The following DYRK1A variants were observed in gnomAD, a reference collection of about 807,000 sequenced individuals.
The protein encoded by DYRK1A is dual specificity tyrosine-phosphorylation-regulated kinase 1A.
Under a neutral mutation model 79.7 loss-of-function variants are expected in DYRK1A, and 9 were observed. The observed-to-expected ratio is 0.11, with a 90% confidence interval of 0.07 to 0.20. The LOEUF (loss-of-function observed/expected upper bound fraction) is 0.20, where lower values mean the gene tolerates loss of function less well. DYRK1A is among the 10% of genes least tolerant of loss of function. DYRK1A has a pLI of 1.00. For missense variants in DYRK1A, 622 were observed against 956.0 expected (o/e 0.65, Z 4.61); for synonymous variants, 349 against 329.7 (o/e 1.06, Z -0.63).
intron 2 of DYRK1A, among the ~76,000 whole-genome samples, chr21:37,428,401 T>A (rs1460997886): frequency 6.6e-6 from 1 of 152,168 alleles, no homozygotes; most frequent in Non-Finnish European, 1.5e-5. Flanking sequence ...TTTTATGTAG[T>A]GTAATATGTA....
chr21:37,484,089 A>G (rs535180332), intron 5 of DYRK1A, among the ~76,000 whole-genome samples: 218 of 152,298 alleles, frequency 1.4e-3, no homozygotes, highest in Admixed American at 3.2e-3. Flanking sequence ...CAGCAGCGTT[A>G]GATTCTCAAA....
intron 2 of DYRK1A, among the ~76,000 whole-genome samples, chr21:37,458,142 G>GTGTTGTGC (rs2051714578): frequency 6.6e-6 from 1 of 152,150 alleles, no homozygotes; most frequent in Non-Finnish European, 1.5e-5. Flanking sequence ...GCATTTAGAT[G>GTGTTGTGC]TGTTGTGCCA....
rs116546028 is a variant in DYRK1A, at chr21:37,491,649, A to G, written c.924+1188A>G. 9.1e-3 allele frequency among the ~76,000 whole-genome samples: 1,380 copies of G among 152,314 alleles called. 19 individuals are homozygous for G. Among genetic ancestry groups the G allele is most frequent in the African/African-American group, 0.032 (1,324 of 41,566 alleles). On this transcript the variant is annotated intron_variant, in intron 7 of 11. Coordinates refer to ENST00000647188, the MANE Select transcript of DYRK1A (RefSeq NM_001347721.2). ...TTTTTAAAAATTGGAGTAGGGAGCA[A>G]AGTTTGCAGTTTTAGATGCCTTCAA...
intron 4 of DYRK1A, among the ~76,000 whole-genome samples, chr21:37,479,619 G>GTTTTTGTTTTTTT (rs2052550822): frequency 8.7e-4 from 64 of 73,898 alleles, no homozygotes; most frequent in African/African-American, 1.3e-3. Flanking sequence ...TTTGTTTTTT[G>GTTTTTGTTTTTTT]TTTTTTTTTT....
chr21:37,414,364 T>G (rs2050298010), intron 1 of DYRK1A, among the ~76,000 whole-genome samples: 1 of 152,150 alleles, frequency 6.6e-6, no homozygotes. Context: ...TCGTGTGTGA[T>G]TTGGGATGGT....
intron 6 of DYRK1A, among the ~76,000 whole-genome samples, chr21:37,489,204 C>A (rs751503474): frequency 1.3e-5 from 2 of 152,104 alleles, no homozygotes; most frequent in African/African-American, 4.8e-5. Context: ...AGAAACCTCT[C>A]ATTTTGTAAT....
chr21:37,371,584 ATCTTC>A, intron 1 of DYRK1A, among the ~76,000 whole-genome samples: 1 of 152,134 alleles, frequency 6.6e-6, no homozygotes, highest in South Asian at 2.1e-4. Context: ...AGAGCTATGT[ATCTTC>A]TCTTCTAGAA....
intron 1 of DYRK1A, among the ~76,000 whole-genome samples, chr21:37,378,252 G>T (rs2049587763): frequency 6.6e-6 from 1 of 152,172 alleles, no homozygotes; most frequent in African/African-American, 2.4e-5. Flanking sequence ...TTTCCTGGGG[G>T]CCAGGCATGG....
chr21:37,378,468 G>A (rs181188573), intron 1 of DYRK1A, among the ~76,000 whole-genome samples: 1 of 152,238 alleles, frequency 6.6e-6, no homozygotes, highest in Non-Finnish European at 1.5e-5. Flanking sequence ...GGAGGCGGAC[G>A]TGGTGGTGAG....
intron 2 of DYRK1A, among the ~76,000 whole-genome samples, chr21:37,439,339 C>CA (rs1244854734): frequency 6.6e-6 from 1 of 152,158 alleles, no homozygotes; most frequent in East Asian, 1.9e-4. Context: ...ATATATGGAA[C>CA]ATAGACTACA....
intron 2 of DYRK1A, among the ~76,000 whole-genome samples, chr21:37,422,712 A>C (rs780298447): frequency 6.6e-6 from 1 of 152,140 alleles, no homozygotes; most frequent in Non-Finnish European, 1.5e-5. Flanking sequence ...GATTGTGGTG[A>C]TCATTTCATT....
chr21:37,455,297 G>A, intron 2 of DYRK1A, among the ~76,000 whole-genome samples: 1 of 151,842 alleles, frequency 6.6e-6, no homozygotes, highest in East Asian at 1.9e-4. Flanking sequence ...AATTTTCTCA[G>A]CCACACCCTT....
intron 1 of DYRK1A, among the ~76,000 whole-genome samples, chr21:37,376,098 G>A (rs1449527507): frequency 2.0e-5 from 3 of 152,136 alleles, no homozygotes; most frequent in African/African-American, 7.2e-5. Flanking sequence ...AGTGGTCAAA[G>A]GGGAGAACAG....
chr21:37,495,152 TTGTGTGTGTGTG>T (rs56226706), intron 8 of DYRK1A, among the ~76,000 whole-genome samples: 5,603 of 137,720 alleles, frequency 0.041, 139 homozygotes, highest in South Asian at 0.066. Flanking sequence ...CTCTGGGATT[TTGTGTGTGTGTG>T]TGTGTGTGTG....
At chr21:37,400,508 A>G (rs1039907253) in intron 1 of DYRK1A, among the ~76,000 whole-genome samples, 1 of 152,214 alleles carries the variant, frequency 6.6e-6, no homozygotes, top group Non-Finnish European at 1.5e-5. Context: ...AATTAGTCAT[A>G]GTTTTATAAC....
At chr21:37,402,018 G>A (rs1225004046) in intron 1 of DYRK1A, among the ~76,000 whole-genome samples, 3 of 152,050 alleles carry the variant, frequency 2.0e-5, no homozygotes, top group Non-Finnish European at 4.4e-5. Flanking sequence ...GCCAAATGTA[G>A]TAGCCATAAA....
Position 37,474,779 on chromosome 21 carries a change from G to A in DYRK1A, c.207+1899G>A, listed in dbSNP as rs1415255984. Among the ~76,000 whole-genome samples the A allele has an allele frequency of 2.6e-5, 4 of 152,188 alleles. No homozygotes were observed. In the South Asian group the frequency reaches 8.3e-4, roughly 31 times the overall value. ...TAAAAGAGAAATAGAGCGAAAGTAG[G>A]TGTAGAAGAGGAAGACTGATGTTTG... On this transcript the variant is annotated intron_variant, in intron 3 of 11. Transcript: ENST00000647188.
intron 2 of DYRK1A, among the ~76,000 whole-genome samples, chr21:37,453,068 A>G (rs2051511433): frequency 3.3e-5 from 5 of 152,174 alleles, no homozygotes. Context: ...CTATGCTTGC[A>G]CCATTGCACT....
intron 10 of DYRK1A, 100 bp downstream of exon 10, chr21:37,505,689 G>T: frequency 7.8e-7 from 1 of 1,282,480 alleles, no homozygotes; most frequent in Non-Finnish European, 1.1e-6. Context: ...TAATAGAGTG[G>T]GGAGCAGTTA....
Sources: gnomAD v4.1 joint callset for allele counts (sites outside exome capture counted in the v4.1 genomes callset) on GRCh38, gnomAD v4.1.1 for gene constraint, MANE v1.5 for transcripts, NCBI Gene and HGNC (gene_info 2026-07-23, HGNC 2026-07-21) for gene names.